RIMS2: variants seen among roughly 807,000 people sequenced by gnomAD.
The protein encoded by RIMS2 is regulating synaptic membrane exocytosis protein 2.
Under a neutral mutation model 174.4 loss-of-function variants are expected in RIMS2, and 59 were observed. The observed-to-expected ratio is 0.34, with a 90% CI of 0.27 to 0.42. The LOEUF (loss-of-function observed/expected upper bound fraction) is 0.42, where lower values mean the gene tolerates loss of function less well. RIMS2 is among the 10% of genes least tolerant of loss of function. RIMS2 has a pLI of 1.00. For synonymous variants in RIMS2, 606 were observed against 572.5 expected, an observed-to-expected ratio of 1.06 and a Z score of -0.84; for missense variants, 1,620 against 1,666.3, an observed-to-expected ratio of 0.97 and a Z score of 0.48.
chr8:104,107,241 C>T (rs977100602), intron 19 of RIMS2, among the ~76,000 whole-genome samples: 4 of 152,070 alleles, frequency 2.6e-5, no homozygotes, highest in Non-Finnish European at 4.4e-5. Flanking sequence ...AGTAAAGTAC[C>T]TACTCATCCT....
At position 103,664,060 on chromosome 8, in the gene RIMS2, G is replaced by A. The variant is rs879940804; in HGVS notation, c.177-33026G>A. 2.2e-4 allele frequency among the ~76,000 whole-genome samples: 34 copies of A among 152,128 alleles called. 2 individuals carry two copies. The highest frequency in any genetic ancestry group is 1.2e-3 in the Admixed American group (19 of 15,270). On this transcript the variant is annotated intron_variant, in intron 1 of 23. Transcript: ENST00000504942. ...TTCCCTATTTAATCAATGGTGCTGGGAAAACTGGCTAGCCATATGTAGAAA... is the reference window on the plus strand; with the variant it reads ...TTCCCTATTTAATCAATGGTGCTGGAAAAACTGGCTAGCCATATGTAGAAA...
intron 19 of RIMS2, among the ~76,000 whole-genome samples, chr8:104,100,570 A>T (rs141283232): frequency 6.6e-6 from 1 of 152,108 alleles, no homozygotes; most frequent in East Asian, 1.9e-4. Flanking sequence ...TTACTTTTAC[A>T]TTAGCTATCC....
intron 3 of RIMS2, among the ~76,000 whole-genome samples, chr8:103,791,040 G>A (rs1258938610): frequency 2.0e-5 from 3 of 152,138 alleles, no homozygotes; most frequent in Non-Finnish European, 1.5e-5. Context: ...AGCAAGGCAG[G>A]CCAACATTCA....
intron 2 of RIMS2, among the ~76,000 whole-genome samples, chr8:103,734,610 C>T (rs929616621): frequency 5.9e-5 from 9 of 151,742 alleles, no homozygotes; most frequent in African/African-American, 1.2e-4. Flanking sequence ...CTCTCAATTC[C>T]GCTGCCTTGG....
chr8:103,610,302 C>T (rs1287169508), intron 1 of RIMS2, among the ~76,000 whole-genome samples: 1 of 152,106 alleles, frequency 6.6e-6, no homozygotes, highest in Non-Finnish European at 1.5e-5. Context: ...TTTCTGTCTT[C>T]CTATTTGGAT....
chr8:103,704,260 G>A (rs969126057), intron 2 of RIMS2, among the ~76,000 whole-genome samples: 1 of 151,214 alleles, frequency 6.6e-6, no homozygotes, highest in African/African-American at 2.4e-5. Flanking sequence ...TATTATTGTG[G>A]TGTGTCACAT....
intron 19 of RIMS2, among the ~76,000 whole-genome samples, chr8:104,085,461 A>G (rs2097521986): frequency 6.6e-6 from 1 of 152,196 alleles, no homozygotes; most frequent in African/African-American, 2.4e-5. Context: ...TCAAATGATC[A>G]CCTTACATAC....
rs1479426142 is a variant in RIMS2, at chr8:103,810,730, A to G, written c.698+44193A>G. Among the ~76,000 whole-genome samples the G allele has an allele frequency of 3.3e-5, 5 of 152,192 alleles. No individual in the cohort carries two copies. In the East Asian group the frequency reaches 5.8e-4, roughly 18 times the overall value. Reference sequence around the variant, plus strand: ...CTAAAGCACTTTTTTCTGACAGCCAATGTCAAAGTGAAACAAATATTTGTA... The same window carrying G: ...CTAAAGCACTTTTTTCTGACAGCCAGTGTCAAAGTGAAACAAATATTTGTA... On this transcript the variant is annotated intron_variant, in intron 3 of 23. Transcript: ENST00000504942.
rs146246910 is a variant in RIMS2 at position 104,121,267 on chromosome 8, G to T, written c.3334+106652G>T. 3.6e-3 allele frequency among the ~76,000 whole-genome samples: 545 copies of T among 152,164 alleles called. 1 individual carries two copies. Among genetic ancestry groups the T allele is most frequent in the Non-Finnish European group, 5.9e-3 (401 of 68,000 alleles). On this transcript the variant is annotated intron_variant, in intron 19 of 23. Transcript: ENST00000504942. ...ACTACTAATTCCATATTTTCATTGA[G>T]TAAGGAAGTGCAAATAAATAGGAAA...
chr8:103,519,369 C>T (rs1830544247), intron 1 of RIMS2, among the ~76,000 whole-genome samples: 1 of 152,092 alleles, frequency 6.6e-6, no homozygotes. Flanking sequence ...TTCCAATCTG[C>T]CACCAGATTT....
At chr8:103,918,742 A>C (rs1313025878) in intron 9 of RIMS2, 2 of 381,864 alleles carry the variant, frequency 5.2e-6, no homozygotes, top group African/African-American at 4.0e-5. Flanking sequence ...TACTACAATA[A>C]ACTGCATATA....
chr8:104,060,054 G>A (rs966193890), intron 19 of RIMS2, among the ~76,000 whole-genome samples: 7 of 151,730 alleles, frequency 4.6e-5, no homozygotes, highest in Non-Finnish European at 8.8e-5. Flanking sequence ...GTCTCTGCCC[G>A]GCTTTGGTAT....
intron 1 of RIMS2, among the ~76,000 whole-genome samples, chr8:103,692,946 T>C (rs1435214630): frequency 6.6e-6 from 1 of 152,194 alleles, no homozygotes; most frequent in East Asian, 1.9e-4. Flanking sequence ...AATCAGGAAT[T>C]GCCCAGGAAT....
chr8:103,936,998 T>A (rs1455956902), intron 13 of RIMS2, among the ~76,000 whole-genome samples: 1 of 151,860 alleles, frequency 6.6e-6, no homozygotes, highest in African/African-American at 2.4e-5. Context: ...CTCGGGAGGC[T>A]GAGGCAGGAG....
At chr8:104,128,621 TG>T (rs1418163834) in intron 19 of RIMS2, among the ~76,000 whole-genome samples, 1 of 152,046 alleles carries the variant, frequency 6.6e-6, no homozygotes, top group African/African-American at 2.4e-5. Flanking sequence ...CGCTTGAACC[TG>T]GGAGGCGGAG....
intron 3 of RIMS2, among the ~76,000 whole-genome samples, chr8:103,816,931 A>G (rs1329529765): frequency 6.6e-6 from 1 of 152,226 alleles, no homozygotes; most frequent in Non-Finnish European, 1.5e-5. Flanking sequence ...GTTGATTTGC[A>G]GTATAATCAC....
chr8:103,629,793 C>A (rs2095868661), intron 1 of RIMS2, among the ~76,000 whole-genome samples: 1 of 151,348 alleles, frequency 6.6e-6, no homozygotes, highest in African/African-American at 2.4e-5. Flanking sequence ...AATAGCAGGA[C>A]AAGATGAAAT....
intron 12 of RIMS2, among the ~76,000 whole-genome samples, chr8:103,931,733 CA>C (rs932713230): frequency 2.6e-5 from 4 of 151,752 alleles, no homozygotes; most frequent in Non-Finnish European, 4.4e-5. Context: ...AATTTTTAGT[CA>C]AAAATACTAG....
At chr8:104,101,068 TATATA>T (rs1431819189) in intron 19 of RIMS2, among the ~76,000 whole-genome samples, 2 of 144,042 alleles carry the variant, frequency 1.4e-5, no homozygotes, top group African/African-American at 5.1e-5. Flanking sequence ...TAATATATGT[TATATA>T]TTATATTATA....
Sources: allele counts gnomAD v4.1 joint callset (sites outside exome capture counted in the v4.1 genomes callset), GRCh38; gene constraint gnomAD v4.1.1; transcripts MANE v1.5; gene names NCBI Gene and HGNC (gene_info 2026-07-23, HGNC 2026-07-21).